Variants in SGCZ observed in about 807,000 individuals in gnomAD.
SGCZ encodes the protein sarcoglycan zeta.
A neutral mutation model predicts 41.3 loss-of-function variants in SGCZ; 40 were observed. The observed-to-expected ratio is 0.97, with a 90% CI of 0.75 to 1.26. The LOEUF is 1.26. Ranked by LOEUF, SGCZ falls within the 50% of genes most tolerant of loss-of-function variation. The pLI is 0.00. For synonymous variants in SGCZ, 206 were observed against 137.5 expected (o/e 1.50, Z -3.49); for missense variants, 552 against 369.8 (o/e 1.49, Z -4.04).
chr8:14,123,315 T>C (rs1414542233), intron 5 of SGCZ, among the ~76,000 whole-genome samples: 1 of 152,050 alleles, frequency 6.6e-6, no homozygotes, highest in Middle Eastern at 3.2e-3. Flanking sequence ...GTTTTACAGT[T>C]GTAAACTTAA....
Position 14,466,991 on chromosome 8 carries a change from T to C in SGCZ, c.234+87741A>G, listed in dbSNP as rs1178222338. Among the ~76,000 whole-genome samples, 7 of 152,014 alleles carry C rather than the reference T, an allele frequency of 4.6e-5. 1 individual carries two copies. In the Middle Eastern group the frequency reaches 0.014, roughly 295 times the overall value. On this transcript the variant is annotated intron_variant, in intron 2 of 7. Transcript: ENST00000382080. ...TTTATTTGTTCTTCTGAATAGGTCATATATTTCTGTTTTTCTGCATCCCTT... is the reference window on the plus strand; with the variant it reads ...TTTATTTGTTCTTCTGAATAGGTCACATATTTCTGTTTTTCTGCATCCCTT...
intron 2 of SGCZ, among the ~76,000 whole-genome samples, chr8:14,367,899 A>C (rs1803769739): frequency 6.6e-6 from 1 of 152,092 alleles, no homozygotes; most frequent in Admixed American, 6.6e-5. Context: ...CCACCAGAGC[A>C]AGAAAAGTCT....
At chr8:14,840,882 A>C (rs1167823684) in intron 1 of SGCZ, among the ~76,000 whole-genome samples, 1 of 152,076 alleles carries the variant, frequency 6.6e-6, no homozygotes, top group African/African-American at 2.4e-5. Context: ...TACATAGCAA[A>C]ATAGCAACTC....
intron 1 of SGCZ, among the ~76,000 whole-genome samples, chr8:14,875,720 G>C (rs760898188): frequency 6.6e-6 from 1 of 152,134 alleles, no homozygotes; most frequent in Non-Finnish European, 1.5e-5. Flanking sequence ...TGAATGAGCT[G>C]TGATACGGGG....
chr8:14,432,730 G>A (rs1278400736), intron 2 of SGCZ, among the ~76,000 whole-genome samples: 1 of 151,870 alleles, frequency 6.6e-6, no homozygotes, highest in Non-Finnish European at 1.5e-5. Flanking sequence ...CCTGGCCAAC[G>A]TGGTGAAACT....
At chr8:14,770,535 A>G (rs1293036607) in intron 1 of SGCZ, among the ~76,000 whole-genome samples, 1 of 151,950 alleles carries the variant, frequency 6.6e-6, no homozygotes, top group African/African-American at 2.4e-5. Flanking sequence ...TATATGGTTT[A>G]TGTTCTCACA....
chr8:14,615,235 G>A (rs570244012), intron 1 of SGCZ, among the ~76,000 whole-genome samples: 1 of 152,146 alleles, frequency 6.6e-6, no homozygotes, highest in Non-Finnish European at 1.5e-5. Flanking sequence ...ATAACAAACT[G>A]CAATCTAACA....
At chr8:14,241,806 C>T (rs1435230949) in intron 3 of SGCZ, among the ~76,000 whole-genome samples, 1 of 152,094 alleles carries the variant, frequency 6.6e-6, no homozygotes, top group African/African-American at 2.4e-5. Flanking sequence ...ATTCTTCATG[C>T]CAAGGGCATG....
intron 1 of SGCZ, among the ~76,000 whole-genome samples, chr8:14,718,565 A>G (rs991959298): frequency 2.6e-5 from 4 of 152,044 alleles, no homozygotes; most frequent in African/African-American, 9.7e-5. Flanking sequence ...CAAACCCAGG[A>G]GATTTTAGTA....
At chr8:14,190,594 TCTC>T (rs909013306) in intron 4 of SGCZ, among the ~76,000 whole-genome samples, 5 of 151,962 alleles carry the variant, frequency 3.3e-5, no homozygotes, top group African/African-American at 9.6e-5. Flanking sequence ...ATATAAATCT[TCTC>T]TTAATTTCTT....
intron 1 of SGCZ, among the ~76,000 whole-genome samples, chr8:14,577,139 G>A (rs1294898069): frequency 1.3e-5 from 2 of 152,148 alleles, no homozygotes; most frequent in Non-Finnish European, 2.9e-5. Context: ...AAGTGCATTT[G>A]CATTTGAGAA....
intron 1 of SGCZ, among the ~76,000 whole-genome samples, chr8:14,769,553 A>G (rs1425962887): frequency 2.0e-5 from 3 of 152,198 alleles, no homozygotes; most frequent in African/African-American, 7.2e-5. Flanking sequence ...GCACTTTGGG[A>G]AGCTGAGGCA....
At chr8:14,775,926 G>A (rs1399743040) in intron 1 of SGCZ, among the ~76,000 whole-genome samples, 1 of 152,106 alleles carries the variant, frequency 6.6e-6, no homozygotes, top group African/African-American at 2.4e-5. Context: ...CTGGGAGGTG[G>A]AAGGAAAAGG....
intron 2 of SGCZ, among the ~76,000 whole-genome samples, chr8:14,425,614 C>G (rs1030357960): frequency 4.8e-5 from 7 of 147,138 alleles, no homozygotes; most frequent in Non-Finnish European, 8.9e-5. Context: ...GAGGGAGAAT[C>G]CCTCTCAAAA....
chr8:14,702,964 G>C (rs377463778), intron 1 of SGCZ, among the ~76,000 whole-genome samples: 1 of 140,884 alleles, frequency 7.1e-6, no homozygotes, highest in Non-Finnish European at 1.6e-5. Flanking sequence ...TAGATAGATA[G>C]ATAGATAGAC....
chr8:15,112,518 T>C (rs1807107450), intron 1 of SGCZ, among the ~76,000 whole-genome samples: 1 of 152,216 alleles, frequency 6.6e-6, no homozygotes, highest in African/African-American at 2.4e-5. Context: ...AACATCTCCT[T>C]ATGAATCTGA....
chr8:14,651,861 C>G (rs1807409862), intron 1 of SGCZ, among the ~76,000 whole-genome samples: 1 of 151,514 alleles, frequency 6.6e-6, no homozygotes, highest in Non-Finnish European at 1.5e-5. Flanking sequence ...ATGTTTCTGA[C>G]ATATATTTTC....
Position 14,932,787 on chromosome 8 carries a change from T to C in SGCZ, c.39+304798A>G, listed in dbSNP as rs148466210. ...AAACAACTAATATTTCTTGGTAACATTTTAATAATCTTTTCTAAATGCATT... is the reference window on the plus strand; with the variant it reads ...AAACAACTAATATTTCTTGGTAACACTTTAATAATCTTTTCTAAATGCATT... On this transcript the variant is annotated intron_variant, in intron 1 of 7. Coordinates refer to ENST00000382080, the MANE Select transcript of SGCZ (RefSeq NM_139167.4). Among the ~76,000 whole-genome samples, 526 of 152,152 alleles carry C rather than the reference T, an allele frequency of 3.5e-3. 7 individuals carry two copies. Among genetic ancestry groups the C allele is most frequent in the African/African-American group, 0.012 (494 of 41,420 alleles).
chr8:14,267,362 C>A lies in SGCZ; in HGVS notation c.337-29683G>T, dbSNP rs140899376. Among the ~76,000 whole-genome samples the A allele has an allele frequency of 2.9e-4, 44 of 152,084 alleles. No homozygotes were observed. In the East Asian group the frequency reaches 8.1e-3, roughly 28 times the overall value. On this transcript the variant is annotated intron_variant, in intron 3 of 7. Coordinates refer to ENST00000382080, the MANE Select transcript of SGCZ (RefSeq NM_139167.4). ...AGCATGGAAACATAAGTAGCGTTAT[C>A]ATTTAAATTTTATTTATCTAATCAG...
Sources: gnomAD v4.1 joint callset for allele counts (sites outside exome capture counted in the v4.1 genomes callset) on GRCh38, gnomAD v4.1.1 for gene constraint, MANE v1.5 for transcripts, NCBI Gene and HGNC (gene_info 2026-07-23, HGNC 2026-07-21) for gene names.